The following ABCD3 variants were observed in gnomAD, a reference collection of about 807,000 sequenced individuals.
ABCD3 encodes ATP-binding cassette sub-family D member 3.
ABCD3 carries 41 observed loss-of-function variants against 105.5 expected under a neutral mutation model. That is an observed-to-expected ratio of 0.39 (90% CI 0.30 to 0.50). The LOEUF is 0.50. Ranked by LOEUF, ABCD3 falls within the 20% of genes least tolerant of loss-of-function variation. The pLI is 0.84. For missense variants in ABCD3, 622 were observed against 806.3 expected (o/e 0.77, Z 2.77); for synonymous variants, 258 against 269.0 (o/e 0.96, Z 0.40).
At chr1:94,476,876 GTTCTCTCTCT>G (rs1648769405) in intron 7 of ABCD3, among the ~76,000 whole-genome samples, 1 of 151,734 alleles carries the variant, frequency 6.6e-6, no homozygotes. Context: ...TTGAAAGTTT[GTTCTCTCTCT>G]TTCTCTCTCT....
chr1:94,484,595 C>T (rs1268943529), intron 10 of ABCD3, among the ~76,000 whole-genome samples: 1 of 152,006 alleles, frequency 6.6e-6, no homozygotes, highest in African/African-American at 2.4e-5. Context: ...ATGAGAACAC[C>T]TGGACCCAGG....
intron 1 of ABCD3, among the ~76,000 whole-genome samples, chr1:94,457,422 C>T (rs927745092): frequency 8.5e-5 from 13 of 152,072 alleles, no homozygotes; most frequent in African/African-American, 1.4e-4. Context: ...GATGTGCATT[C>T]GGCAGATCAT....
intron 1 of ABCD3, 136 bp downstream of exon 1, chr1:94,418,724 G>A (rs1041626016): frequency 5.8e-6 from 5 of 858,962 alleles, no homozygotes; most frequent in Admixed American, 2.2e-5. Flanking sequence ...GACTGCCGTG[G>A]GACTTCAATG....
At chr1:94,397,302 C>T in the ABCD3 span, among the ~76,000 whole-genome samples, 1,009 of 152,272 alleles carry the variant, frequency 6.6e-3, 8 homozygotes, top group African/African-American at 0.023. Context: ...TTCAATTTCC[C>T]CAGCGTTTCC....
intron 1 of ABCD3, among the ~76,000 whole-genome samples, chr1:94,448,835 A>G (rs1290277093): frequency 6.6e-6 from 1 of 152,260 alleles, no homozygotes; most frequent in Non-Finnish European, 1.5e-5. Flanking sequence ...GACAAGCCAT[A>G]GTGGAAAAAA....
At position 94,517,223 on chromosome 1, in the gene ABCD3, T is replaced by C. The variant is rs1464448280; in HGVS notation, c.*94T>C. On this transcript the variant is annotated 3_prime_UTR_variant, in exon 23 of 23. Coordinates refer to ENST00000370214, the MANE Select transcript of ABCD3 (RefSeq NM_002858.4). ...TTGTAAAATAAAGTTGAGCTTAGTT[T>C]TTTTTAAAAAAAAAAACAAAGCAAC... 1.0e-6 allele frequency: 1 copy of C among 967,764 alleles called. No homozygotes were observed. Among genetic ancestry groups the C allele is most frequent in the African/African-American group, 1.6e-5 (1 of 60,654 alleles). 59.9% of individuals were successfully genotyped at this position (967,764 alleles called of 1,614,324 possible). A position where few individuals can be genotyped will look rare whatever the true frequency, so the allele number is the denominator to read the frequency against.
chr1:94,412,781 G>A, the ABCD3 span, among the ~76,000 whole-genome samples: 7 of 152,240 alleles, frequency 4.6e-5, no homozygotes, highest in African/African-American at 1.4e-4. Context: ...TGGGGTCTTT[G>A]CCAATCTGGC....
chr1:94,485,542 C>G (rs1649239440), intron 10 of ABCD3, among the ~76,000 whole-genome samples: 1 of 152,178 alleles, frequency 6.6e-6, no homozygotes, highest in Admixed American at 6.5e-5. Context: ...CCAGTTTGCT[C>G]TCCACACGGC....
At chr1:94,432,537 C>T (rs745638204) in intron 1 of ABCD3, 12 of 152,100 alleles carry the variant, frequency 7.9e-5, no homozygotes, top group Non-Finnish European at 1.5e-4. Context: ...TACGTTTATT[C>T]CTAACAACAG....
At chr1:94,480,751 G>A (rs915413681) in intron 9 of ABCD3, 145 bp downstream of exon 9, 18 of 862,022 alleles carry the variant, frequency 2.1e-5, no homozygotes, top group South Asian at 2.1e-4. Flanking sequence ...AAAGAGACTA[G>A]TTTTATAAAG....
chr1:94,389,117 G>A, the ABCD3 span, among the ~76,000 whole-genome samples: 2 of 152,202 alleles, frequency 1.3e-5, no homozygotes, highest in Non-Finnish European at 2.9e-5. Flanking sequence ...AGGGCAGGAA[G>A]CAACAATTAT....
the ABCD3 span, among the ~76,000 whole-genome samples, chr1:94,399,427 G>A: frequency 1.9e-4 from 29 of 152,208 alleles, no homozygotes; most frequent in Non-Finnish European, 3.2e-4. Flanking sequence ...GTCCTTGCCC[G>A]GCCCAGTCTT....
rs148094738 is a variant in ABCD3 at position 94,436,197 on chromosome 1, G to A, written c.110+17609G>A. ...AGGCTTTTCTTATGGACAGAGCCAC[G>A]ATATGCATACTGACACTTCCAATCC... On this transcript the variant is annotated intron_variant, in intron 1 of 22. Transcript: ENST00000370214. Among the ~76,000 whole-genome samples, 871 of 152,266 alleles carry A rather than the reference G, an allele frequency of 5.7e-3. 9 individuals are homozygous for A. Among genetic ancestry groups the A allele is most frequent in the African/African-American group, 0.019 (809 of 41,550 alleles).
Position 94,517,375 on chromosome 1 carries a change from G to A in ABCD3, c.*246G>A, listed in dbSNP as rs1306712932. The A allele has an allele frequency of 9.8e-6, 4 of 408,390 alleles. No homozygotes were observed. The highest frequency in any genetic ancestry group is 1.8e-5 in the Non-Finnish European group (4 of 219,254). 25.3% of individuals were successfully genotyped at this position (408,390 alleles called of 1,614,324 possible). On this transcript the variant is annotated 3_prime_UTR_variant, in exon 23 of 23. Transcript: ENST00000370214. ...TACTAAGAATGTCCTTATTCTTGTG[G>A]TTAAAAACCTGCCTAAATTAAATTG...
At chr1:94,474,333 A>G (rs1648626418) in intron 5 of ABCD3, among the ~76,000 whole-genome samples, 1 of 152,056 alleles carries the variant, frequency 6.6e-6, no homozygotes, top group South Asian at 2.1e-4. Flanking sequence ...ATTTACTTTA[A>G]GTTAAATTGG....
chr1:94,453,568 T>G (rs974256185), intron 1 of ABCD3, among the ~76,000 whole-genome samples: 2 of 152,084 alleles, frequency 1.3e-5, no homozygotes, highest in African/African-American at 4.8e-5. Context: ...TCCGCCCACC[T>G]CGGCCTCCCA....
chr1:94,477,306 C>G (rs539988031), intron 7 of ABCD3, among the ~76,000 whole-genome samples: 4 of 140,696 alleles, frequency 2.8e-5, no homozygotes, highest in African/African-American at 1.0e-4. Flanking sequence ...ACCAAGCCAT[C>G]TATCCTAGTA....
chr1:94,390,736 T>C, the ABCD3 span, among the ~76,000 whole-genome samples: 1 of 152,208 alleles, frequency 6.6e-6, no homozygotes, highest in Admixed American at 6.5e-5. Flanking sequence ...TGGCTCTTAC[T>C]CTGTAGGCTG....
the ABCD3 span, among the ~76,000 whole-genome samples, chr1:94,404,938 G>GAA: frequency 1.2e-5 from 1 of 86,692 alleles, no homozygotes; most frequent in Non-Finnish European, 2.3e-5. Context: ...GACCCATCTC[G>GAA]AAAAAAAAAA....
Sources: gnomAD v4.1 joint callset for allele counts (sites outside exome capture counted in the v4.1 genomes callset) on GRCh38, gnomAD v4.1.1 for gene constraint, MANE v1.5 for transcripts, NCBI Gene and HGNC (gene_info 2026-07-23, HGNC 2026-07-21) for gene names.